The following NDUFB9 variants were observed in gnomAD, a reference collection of about 807,000 sequenced individuals.
NDUFB9 encodes the protein NADH:ubiquinone oxidoreductase subunit B9.
NDUFB9 carries 24 observed loss-of-function variants against 30.2 expected under a neutral mutation model. The ratio of observed to expected loss-of-function variants is 0.80; its 90% CI spans 0.58 to 1.12. The LOEUF is 1.12. Among genes scored for constraint, NDUFB9 ranks in the 50% most tolerant of loss-of-function variants. The pLI is 0.00. For synonymous variants in NDUFB9, 80 were observed against 84.0 expected (o/e 0.95, Z 0.26); for missense variants, 204 against 226.0 (o/e 0.90, Z 0.62).
Position 124,543,532 on chromosome 8 carries a change from C to T in NDUFB9, c.294+253C>T, listed in dbSNP as rs1488353576. ...TCTGTGGGCACCATTTTTCCAACAG[C>T]ATGTGCTCACTCCCTGTCTCTGTTT... On this transcript the variant is annotated intron_variant, in intron 2 of 3. Transcript: ENST00000276689. Among the ~76,000 whole-genome samples the T allele has an allele frequency of 2.0e-5, 3 of 152,224 alleles. No homozygotes were observed. In the East Asian group the frequency reaches 5.8e-4, roughly 29 times the overall value.
At chr8:124,547,152 A>G (rs563730391) in intron 3 of NDUFB9, 39 bp downstream of exon 3, 1 of 1,510,972 alleles carries the variant, frequency 6.6e-7, no homozygotes, top group East Asian at 2.3e-5. Context: ...TTAGCTATGT[A>G]GATGGAGTGA....
At chr8:124,542,546 C>T (rs913000078) in intron 1 of NDUFB9, among the ~76,000 whole-genome samples, 2 of 152,236 alleles carry the variant, frequency 1.3e-5, no homozygotes, top group Non-Finnish European at 2.9e-5. Context: ...AACCTCCTAA[C>T]TGATCTTTGC....
At chr8:124,542,417 A>G (rs542294895) in intron 1 of NDUFB9, among the ~76,000 whole-genome samples, 83 of 152,322 alleles carry the variant, frequency 5.4e-4, no homozygotes, top group Admixed American at 1.6e-3. Context: ...AGGCCCATAC[A>G]GTCTGACTGG....
At chr8:124,541,861 C>G (rs1189166829) in intron 1 of NDUFB9, among the ~76,000 whole-genome samples, 1 of 151,954 alleles carries the variant, frequency 6.6e-6, no homozygotes, top group Non-Finnish European at 1.5e-5. Flanking sequence ...CTCAGCCTCC[C>G]AAAGTGCTGG....
Position 124,543,128 on chromosome 8 carries a change from T to A in NDUFB9, c.143T>A (p.Phe48Tyr). 6.2e-7 allele frequency: 1 copy of A among 1,614,232 alleles called. No individual in the cohort carries two copies. The highest frequency in any genetic ancestry group is 8.5e-7 in the Non-Finnish European group (1 of 1,180,046). The change falls in exon 2 of 4, where the codon TTT (phenylalanine) becomes TAT (tyrosine). Residue 48 changes from phenylalanine to tyrosine, a missense_variant. Physicochemically the swap from Phe to Tyr is conservative, Grantham distance 22. Coordinates refer to ENST00000276689, the MANE Select transcript of NDUFB9 (RefSeq NM_005005.3). The part of the protein sequence containing the change: ...RYFACLMRAR[F>Y]EEHKNEKDMA... ...TTTGCTTGTTTGATGAGAGCCCGGT[T>A]TGAAGAACATAAGAATGAAAAGGAT...
intron 2 of NDUFB9, 35 bp from the exon 3 acceptor site, chr8:124,546,965 C>A (rs1284504394): frequency 1.4e-6 from 2 of 1,450,760 alleles, no homozygotes; most frequent in Non-Finnish European, 1.9e-6. Flanking sequence ...TAAATGTGTC[C>A]TGTGGATTGA....
Position 124,543,502 on chromosome 8 carries a change from G to A in NDUFB9, c.294+223G>A, listed in dbSNP as rs113696540. On this transcript the variant is annotated intron_variant, in intron 2 of 3. Transcript: ENST00000276689. ...AAAGTTTGTGGCAACCCCGTGCTGA[G>A]CAAGTCTGTGGGCACCATTTTTCCA... Among the ~76,000 whole-genome samples the A allele has an allele frequency of 6.9e-3, 1,047 of 152,300 alleles. 13 individuals carry two copies. The highest frequency in any genetic ancestry group is 0.024 in the African/African-American group (1,009 of 41,562).
rs185625747 is a variant in NDUFB9, at chr8:124,547,177, C to T, written c.408+64C>T. 9.8e-6 allele frequency: 12 copies of T among 1,223,524 alleles called. No individual in the cohort carries two copies. The African/African-American group carries it at 1.5e-4, about 15-fold the overall frequency. 75.8% of individuals were successfully genotyped at this position (1,223,524 alleles called of 1,614,324 possible). A position where few individuals can be genotyped will look rare whatever the true frequency, so the allele number is the denominator to read the frequency against. ...AGATGGAGTGAAGTTTTGCTCCCCA[C>T]AAGCAGAGGTCCAGATTCCAGCCAT... is the stretch of plus-strand genomic sequence containing the variant. On this transcript the variant is annotated intron_variant, in intron 3 of 3. Transcript: ENST00000276689.
At chr8:124,544,501 T>G (rs1001887672) in intron 2 of NDUFB9, among the ~76,000 whole-genome samples, 1 of 152,232 alleles carries the variant, frequency 6.6e-6, no homozygotes, top group Non-Finnish European at 1.5e-5. Flanking sequence ...CTTCAAAACT[T>G]CAAGGATAGG....
intron 1 of NDUFB9, among the ~76,000 whole-genome samples, chr8:124,540,159 T>C (rs1012644002): frequency 2.0e-5 from 3 of 152,226 alleles, no homozygotes; most frequent in African/African-American, 4.8e-5. Flanking sequence ...GAAGCCCAGA[T>C]TGCATATATG....
At chr8:124,540,013 C>A (rs535317044) in intron 1 of NDUFB9, among the ~76,000 whole-genome samples, 1 of 152,172 alleles carries the variant, frequency 6.6e-6, no homozygotes, top group East Asian at 1.9e-4. Context: ...GGTGGGCTAA[C>A]AACCCAAGAT....
In NDUFB9 at chr8:124,547,065, C is replaced by G; in HGVS notation, c.360C>G (p.Ala120=). 1 of 1,613,554 alleles carries G rather than the reference C, an allele frequency of 6.2e-7. No individual in the cohort carries two copies. Among genetic ancestry groups the G allele is most frequent in the Non-Finnish European group, 8.5e-7 (1 of 1,179,994 alleles). ...AGGCAATGTATCCTGATTACTTTGCCAAGAGAGAACAGTGGAAGAAACTGC... is the reference window on the plus strand; with the variant it reads ...AGGCAATGTATCCTGATTACTTTGCGAAGAGAGAACAGTGGAAGAAACTGC... The part of the protein sequence containing the change: ...SEKAMYPDYF[A]KREQWKKLRR... The change falls in exon 3 of 4, where the codon GCC becomes GCG. Residue 120 remains alanine, a synonymous_variant. Coordinates refer to ENST00000276689, the MANE Select transcript of NDUFB9 (RefSeq NM_005005.3).
At chr8:124,547,343 C>T in intron 3 of NDUFB9, 1 of 630,774 alleles carries the variant, frequency 1.6e-6, no homozygotes, top group South Asian at 1.8e-5. Context: ...CTTCAGATCT[C>T]CTTCTCTTTA....
At chr8:124,547,220 C>A in intron 3 of NDUFB9, 107 bp downstream of exon 3, 1 of 830,306 alleles carries the variant, frequency 1.2e-6, no homozygotes, top group East Asian at 2.4e-5. Context: ...ACTCTGGGCC[C>A]TTGCTTCTCA....
At position 124,543,143 on chromosome 8, in the gene NDUFB9, A is replaced by C; in HGVS notation, c.158A>C (p.Asn53Thr). ...AGAGCCCGGTTTGAAGAACATAAGA[A>C]TGAAAAGGATATGGCGAAGGCCACC... Reference protein sequence around the residue: ...LMRARFEEHKNEKDMAKATQL... With the variant: ...LMRARFEEHKTEKDMAKATQL... The change falls in exon 2 of 4, where the codon AAT (asparagine) becomes ACT (threonine). Residue 53 changes from asparagine (N) to threonine (T), a missense_variant. Asn to Thr is a moderately conservative substitution (Grantham distance 65, BLOSUM62 0). Coordinates refer to ENST00000276689, the MANE Select transcript of NDUFB9 (RefSeq NM_005005.3). 6.2e-7 allele frequency: 1 copy of C among 1,614,260 alleles called. No individual in the cohort carries two copies. The highest frequency in any genetic ancestry group is 8.5e-7 in the Non-Finnish European group (1 of 1,180,046).
chr8:124,549,845 C>T lies in NDUFB9; in HGVS notation c.493C>T (p.Pro165Ser). ...PPARKEGDLP[P>S]LWWYIVTRPR... ...TGCCCGAAAGGAAGGTGATTTGCCC[C>T]CACTGTGGTGGTATATTGTGACCAG... Residue 165 changes from proline to serine, a missense_variant, in exon 4 of 4, where the codon CCA becomes TCA. Transcript: ENST00000276689. The T allele has an allele frequency of 6.2e-7, 1 of 1,614,192 alleles. No individual in the cohort carries two copies. Among genetic ancestry groups the T allele is most frequent in the East Asian group, 2.2e-5 (1 of 44,892 alleles).
In NDUFB9 at chr8:124,539,141, T is replaced by G. The variant is rs749559905; in HGVS notation, c.-46T>G. The G allele has an allele frequency of 6.2e-7, 1 of 1,613,358 alleles. No individual in the cohort carries two copies. The highest frequency in any genetic ancestry group is 8.5e-7 in the Non-Finnish European group (1 of 1,179,308). ...CCCGCTCAGTCACCCGCAGCAGGCG[T>G]GCAGTTTCCCGGCTCTCCGCGCGGC... On this transcript the variant is annotated 5_prime_UTR_variant, in exon 1 of 4. Coordinates refer to ENST00000276689, the MANE Select transcript of NDUFB9 (RefSeq NM_005005.3).
At chr8:124,542,211 C>G (rs111795428) in intron 1 of NDUFB9, among the ~76,000 whole-genome samples, 2 of 151,418 alleles carry the variant, frequency 1.3e-5, no homozygotes, top group African/African-American at 2.4e-5. Context: ...CCACCATGCC[C>G]GGCCTCATTT....
Position 124,547,132 on chromosome 8 carries a change from T to C in NDUFB9, c.408+19T>C. On this transcript the variant is annotated intron_variant, in intron 3 of 3. Coordinates refer to ENST00000276689, the MANE Select transcript of NDUFB9 (RefSeq NM_005005.3). ...ACGAGAGGTGCGTTCTACTTGTACT[T>C]CGTTATTCCTTAGCTATGTAGATGG... The C allele has an allele frequency of 6.4e-7, 1 of 1,574,436 alleles. No homozygotes were observed. The highest frequency in any genetic ancestry group is 8.7e-7 in the Non-Finnish European group (1 of 1,144,308).
Sources: allele counts gnomAD v4.1 joint callset (sites outside exome capture counted in the v4.1 genomes callset), GRCh38; gene constraint gnomAD v4.1.1; transcripts MANE v1.5; gene names NCBI Gene and HGNC (gene_info 2026-07-23, HGNC 2026-07-21).